KLHL29: variants seen among roughly 807,000 people sequenced by gnomAD.
The protein encoded by KLHL29 is kelch-like protein 29.
Under a neutral mutation model 80.4 loss-of-function variants are expected in KLHL29, and 21 were observed. The observed-to-expected ratio is 0.26, with a 90% confidence interval of 0.19 to 0.38. The LOEUF (loss-of-function observed/expected upper bound fraction) is 0.38, where lower values mean the gene tolerates loss of function less well. Ranked by LOEUF, KLHL29 falls within the 10% of genes least tolerant of loss-of-function variation. The pLI, the probability that KLHL29 is intolerant of heterozygous loss-of-function variation, is 1.00. For missense variants in KLHL29, 867 were observed against 1,223.9 expected (o/e 0.71, Z 4.35); for synonymous variants, 511 against 526.8 (o/e 0.97, Z 0.41).
At chr2:23,409,824 G>A (rs114266019) in intron 1 of KLHL29, among the ~76,000 whole-genome samples, 349 of 152,316 alleles carry the variant, frequency 2.3e-3, no homozygotes, top group African/African-American at 8.1e-3. Context: ...GAAGGAAGAT[G>A]GTCAGTGCCA....
At chr2:23,493,229 G>A (rs9808019) in intron 2 of KLHL29, among the ~76,000 whole-genome samples, 29,888 of 152,044 alleles carry the variant, frequency 0.2, 3,043 homozygotes, top group Middle Eastern at 0.22. Flanking sequence ...GGGGGCCTCT[G>A]GGAGCTTTTG....
chr2:23,700,918 C>T lies in KLHL29; in HGVS notation c.2106-2268C>T, dbSNP rs1234100222. ...GCTCCCCTCTTAAAGACTACATTTC[C>T]CCAGTTTGTCCTCAGCCCCCATGCA... is the stretch of plus-strand genomic sequence containing the variant. On this transcript the variant is annotated intron_variant, in intron 11 of 13. Transcript: ENST00000486442. The surrounding 1 kb of genome is among the most constrained non-coding windows in gnomAD (Gnocchi z 4.6). Among the ~76,000 whole-genome samples the T allele has an allele frequency of 1.3e-5, 2 of 152,122 alleles. No individual in the cohort carries two copies. The highest frequency in any genetic ancestry group is 2.9e-5 in the Non-Finnish European group (2 of 68,026).
chr2:23,550,960 C>G (rs1667108333), intron 2 of KLHL29, among the ~76,000 whole-genome samples: 1 of 152,222 alleles, frequency 6.6e-6, no homozygotes, highest in South Asian at 2.1e-4. Flanking sequence ...AAATCCATCT[C>G]AAAAGACTGG....
intron 2 of KLHL29, among the ~76,000 whole-genome samples, chr2:23,538,040 G>A (rs987219932): frequency 3.3e-5 from 5 of 152,188 alleles, no homozygotes; most frequent in East Asian, 1.9e-4. Context: ...GAATTAGAAC[G>A]AGGGTGGATC....
chr2:23,673,107 G>A (rs143950118), intron 5 of KLHL29, among the ~76,000 whole-genome samples: 1 of 152,232 alleles, frequency 6.6e-6, no homozygotes, highest in East Asian at 1.9e-4. Context: ...GCCTTGATCT[G>A]CAGCTTTTCC....
intron 1 of KLHL29, among the ~76,000 whole-genome samples, chr2:23,465,951 C>G (rs112941388): frequency 6.6e-6 from 1 of 151,982 alleles, no homozygotes; most frequent in Non-Finnish European, 1.5e-5. Flanking sequence ...AATCCCGCCA[C>G]CTTCCCGCTG....
intron 2 of KLHL29, among the ~76,000 whole-genome samples, chr2:23,535,772 T>C (rs149542642): frequency 1.8e-4 from 28 of 152,268 alleles, no homozygotes; most frequent in African/African-American, 5.8e-4. Flanking sequence ...AGGGGAGTTA[T>C]TGTTTTTAGT....
intron 2 of KLHL29, among the ~76,000 whole-genome samples, chr2:23,515,788 C>T (rs1175171712): frequency 6.6e-6 from 1 of 152,104 alleles, no homozygotes; most frequent in Non-Finnish European, 1.5e-5. Flanking sequence ...TAGGCGGCTC[C>T]CCAAAGAAAC....
At chr2:23,639,026 G>A (rs779201152) in intron 3 of KLHL29, 113 bp from the exon 4 acceptor site, 143 of 1,081,090 alleles carry the variant, frequency 1.3e-4, no homozygotes, top group Non-Finnish European at 1.7e-4. Context: ...CTCAGTGGGC[G>A]AAGCTTAGGC....
At chr2:23,657,593 C>T (rs557101675) in intron 5 of KLHL29, among the ~76,000 whole-genome samples, 2 of 152,340 alleles carry the variant, frequency 1.3e-5, no homozygotes, top group Admixed American at 6.5e-5. Context: ...CTCTGCATTT[C>T]TGAATGGAAG....
At chr2:23,413,216 T>C (rs1411142461) in intron 1 of KLHL29, among the ~76,000 whole-genome samples, 4 of 152,138 alleles carry the variant, frequency 2.6e-5, no homozygotes, top group Non-Finnish European at 5.9e-5. Flanking sequence ...CGACCTCACA[T>C]TGGGGATCAT....
At chr2:23,520,998 C>CCA (rs1553334467) in intron 2 of KLHL29, among the ~76,000 whole-genome samples, 1 of 151,498 alleles carries the variant, frequency 6.6e-6, no homozygotes, top group Non-Finnish European at 1.5e-5. Flanking sequence ...GACCACCCCC[C>CCA]CCCCCGCTCC....
At chr2:23,435,417 T>A (rs562252967) in intron 1 of KLHL29, among the ~76,000 whole-genome samples, 1 of 152,224 alleles carries the variant, frequency 6.6e-6, no homozygotes, top group East Asian at 1.9e-4. Context: ...TATAGGCTGA[T>A]CAGGGAGAGG....
In KLHL29 at chr2:23,503,744, C is replaced by A. The variant is rs1665518970; in HGVS notation, c.-46+28077C>A. On this transcript the variant is annotated intron_variant, in intron 2 of 13. Transcript: ENST00000486442. The surrounding 1 kb of genome is among the most constrained non-coding windows in gnomAD (Gnocchi z 4.0). The stretch of plus-strand genomic sequence containing the variant: ...TGAGTTCTGTGACCCTGACCGGCAG[C>A]AGCTGCCAGCGAAGGAGGAAGGAAA... Among the ~76,000 whole-genome samples the A allele has an allele frequency of 6.6e-6, 1 of 152,234 alleles. No individual in the cohort carries two copies. Among genetic ancestry groups the A allele is most frequent in the Non-Finnish European group, 1.5e-5 (1 of 68,038 alleles).
At chr2:23,488,165 A>G (rs889599224) in intron 2 of KLHL29, among the ~76,000 whole-genome samples, 1 of 152,220 alleles carries the variant, frequency 6.6e-6, no homozygotes, top group East Asian at 1.9e-4. Context: ...GGGCTTCGCA[A>G]TAACACACCT....
intron 2 of KLHL29, among the ~76,000 whole-genome samples, chr2:23,525,652 G>C (rs1210657592): frequency 6.6e-6 from 1 of 151,878 alleles, no homozygotes; most frequent in East Asian, 1.9e-4. Context: ...GTTTTGCCCT[G>C]CCTGGGAAGA....
intron 2 of KLHL29, among the ~76,000 whole-genome samples, chr2:23,530,182 C>G (rs1319914181): frequency 4.6e-5 from 7 of 152,220 alleles, no homozygotes; most frequent in African/African-American, 1.7e-4. Context: ...GTAGAGCCCT[C>G]TGGGTGCCTG....
chr2:23,610,823 T>A (rs942961357), intron 3 of KLHL29, among the ~76,000 whole-genome samples: 14 of 152,276 alleles, frequency 9.2e-5, no homozygotes, highest in African/African-American at 3.4e-4. Flanking sequence ...CAAGTTCATG[T>A]TGTTGGATAA....
At chr2:23,589,278 G>A (rs983384053) in intron 3 of KLHL29, among the ~76,000 whole-genome samples, 2 of 152,238 alleles carry the variant, frequency 1.3e-5, no homozygotes, top group African/African-American at 4.8e-5. Context: ...TTTGCTGTTT[G>A]TTTTGCAAGG....
Sources: gnomAD v4.1 joint callset for allele counts (sites outside exome capture counted in the v4.1 genomes callset) on GRCh38, gnomAD v4.1.1 for gene constraint, Gnocchi (gnomAD v3.1) non-coding constraint, MANE v1.5 for transcripts, NCBI Gene and HGNC (gene_info 2026-07-23, HGNC 2026-07-21) for gene names.